Variants in TBC1D5 observed in about 807,000 individuals in gnomAD.
The protein encoded by TBC1D5 is TBC1 domain family, member 5.
Under a neutral mutation model 100.3 loss-of-function variants are expected in TBC1D5, and 75 were observed. The observed-to-expected ratio is 0.75, with a 90% CI of 0.62 to 0.91. TBC1D5 has a LOEUF of 0.91. Ranked by LOEUF, TBC1D5 falls within the 40% of genes least tolerant of loss-of-function variation. The pLI, the probability that TBC1D5 is intolerant of heterozygous loss-of-function variation, is 0.00. For missense variants in TBC1D5, 910 were observed against 942.4 expected (o/e 0.97, Z 0.45); for synonymous variants, 323 against 325.6 (o/e 0.99, Z 0.09).
chr3:17,730,937 T>A (rs1002073611), intron 1 of TBC1D5, among the ~76,000 whole-genome samples: 7 of 152,070 alleles, frequency 4.6e-5, no homozygotes, highest in African/African-American at 1.7e-4. Context: ...AATTCATAAT[T>A]CATAATATTT....
chr3:17,393,544 G>A (rs1426978873), intron 8 of TBC1D5, among the ~76,000 whole-genome samples: 2 of 152,106 alleles, frequency 1.3e-5, no homozygotes, highest in Non-Finnish European at 2.9e-5. Flanking sequence ...GAACAAAGCT[G>A]GAGGCATCAT....
In TBC1D5 at chr3:17,665,290, C is replaced by T. The variant is rs115515520; in HGVS notation, c.-100-41377G>A. ...AAAACCACATGTCCTCTTGGAAGACCAACTCTTTGTAGTAGAACTGAAGTG... is the reference window on the plus strand; with the variant it reads ...AAAACCACATGTCCTCTTGGAAGACTAACTCTTTGTAGTAGAACTGAAGTG... On this transcript the variant is annotated intron_variant, in intron 1 of 21. Coordinates refer to ENST00000253692, the Ensembl canonical transcript of TBC1D5. Among the ~76,000 whole-genome samples the T allele has an allele frequency of 3.6e-3, 547 of 152,248 alleles. 4 individuals are homozygous for T. The highest frequency in any genetic ancestry group is 0.013 in the African/African-American group (530 of 41,546).
upstream of TBC1D5, among the ~76,000 whole-genome samples, chr3:17,741,718 G>A (rs566447289): frequency 2.7e-5 from 4 of 148,546 alleles, no homozygotes; most frequent in African/African-American, 9.9e-5. Context: ...TAGGTCACTT[G>A]TAGAATCGAA....
At position 17,178,217 on chromosome 3, in the gene TBC1D5, C is replaced by T. The variant is rs563830599; in HGVS notation, c.1852+6892G>A. ...AGTAGCTGGGACTACATGCGCCCAC[C>T]ACCACGCCTGGCTAATTTTTTGTAT... On this transcript the variant is annotated intron_variant, in intron 19 of 21. Transcript: ENST00000253692. Among the ~76,000 whole-genome samples, 32 of 152,252 alleles carry T rather than the reference C, an allele frequency of 2.1e-4. No homozygotes were observed. The South Asian group carries it at 6.4e-3, about 31-fold the overall frequency.
At chr3:17,440,887 C>T (rs2094639822) in intron 3 of TBC1D5, among the ~76,000 whole-genome samples, 1 of 151,996 alleles carries the variant, frequency 6.6e-6, no homozygotes, top group Non-Finnish European at 1.5e-5. Flanking sequence ...AGTAATCCAC[C>T]CGCCTTTGCC....
chr3:17,701,173 T>C (rs1399533699), intron 1 of TBC1D5, among the ~76,000 whole-genome samples: 1 of 152,088 alleles, frequency 6.6e-6, no homozygotes, highest in Non-Finnish European at 1.5e-5. Flanking sequence ...GTTCATGTCC[T>C]TTGCAGGGAC....
intron 17 of TBC1D5, among the ~76,000 whole-genome samples, chr3:17,220,839 A>C (rs2074197579): frequency 6.6e-6 from 1 of 152,174 alleles, no homozygotes; most frequent in Non-Finnish European, 1.5e-5. Context: ...ACAAAAGACA[A>C]ATCAAGAAGC....
Position 17,500,641 on chromosome 3 carries a change from C to T in TBC1D5, c.97+7833G>A, listed in dbSNP as rs541988963. Reference sequence around the variant, plus strand: ...TACACAATGCTTGAAAAACTGCTCGCTTTGAACCTTCTGGAAGCTCTCATA... The same window carrying T: ...TACACAATGCTTGAAAAACTGCTCGTTTTGAACCTTCTGGAAGCTCTCATA... On this transcript the variant is annotated intron_variant, in intron 3 of 21. Transcript: ENST00000253692. 2.0e-5 allele frequency among the ~76,000 whole-genome samples: 3 copies of T among 149,646 alleles called. No individual in the cohort carries two copies. The South Asian group carries it at 6.3e-4, about 32-fold the overall frequency.
intron 13 of TBC1D5, among the ~76,000 whole-genome samples, chr3:17,313,031 A>G (rs1473074771): frequency 3.9e-5 from 6 of 152,204 alleles, no homozygotes; most frequent in African/African-American, 1.4e-4. Context: ...TTTAGCATAT[A>G]TAATTTACCA....
chr3:17,649,281 A>C (rs2065307545), intron 1 of TBC1D5, among the ~76,000 whole-genome samples: 1 of 152,116 alleles, frequency 6.6e-6, no homozygotes, highest in South Asian at 2.1e-4. Flanking sequence ...ATAACTTATG[A>C]ACACAAAGAA....
intron 13 of TBC1D5, among the ~76,000 whole-genome samples, chr3:17,364,539 T>A (rs1559726024): frequency 6.6e-6 from 1 of 152,190 alleles, no homozygotes; most frequent in South Asian, 2.1e-4. Context: ...AAGTATATTA[T>A]CTTGATATTA....
rs531284984 is a variant in TBC1D5 at position 17,579,916 on chromosome 3, A to G, written c.-36+43933T>C. Among the ~76,000 whole-genome samples, 3 of 152,222 alleles carry G rather than the reference A, an allele frequency of 2.0e-5. No individual in the cohort carries two copies. In the East Asian group the frequency reaches 5.8e-4, roughly 29 times the overall value. On this transcript the variant is annotated intron_variant, in intron 2 of 21. Transcript: ENST00000253692. ...CATTATACCAATAGGAAAATGTGAGAATTCTTCTAATGCCATTATTGTATC... is the reference window on the plus strand; with the variant it reads ...CATTATACCAATAGGAAAATGTGAGGATTCTTCTAATGCCATTATTGTATC...
At chr3:17,645,873 A>G (rs1317396818) in intron 1 of TBC1D5, among the ~76,000 whole-genome samples, 4 of 152,040 alleles carry the variant, frequency 2.6e-5, no homozygotes, top group Non-Finnish European at 5.9e-5. Context: ...TCAGGAAAAC[A>G]TGACAACTCA....
chr3:17,602,922 A>G (rs1436464658), intron 2 of TBC1D5, among the ~76,000 whole-genome samples: 7 of 152,190 alleles, frequency 4.6e-5, no homozygotes, highest in Admixed American at 1.3e-4. Flanking sequence ...CCTTAAAGCC[A>G]GTGTGCAGGT....
chr3:17,650,923 T>C (rs1259497032), intron 1 of TBC1D5, among the ~76,000 whole-genome samples: 1 of 152,208 alleles, frequency 6.6e-6, no homozygotes, highest in South Asian at 2.1e-4. Flanking sequence ...TTATACTGCA[T>C]TGACATGTAA....
intron 13 of TBC1D5, among the ~76,000 whole-genome samples, chr3:17,319,674 T>A (rs1212650054): frequency 6.6e-6 from 1 of 151,836 alleles, no homozygotes; most frequent in African/African-American, 2.4e-5. Context: ...ATCAAGACCA[T>A]CCTGGCTAAC....
chr3:17,506,575 A>G (rs1380316069), intron 3 of TBC1D5, among the ~76,000 whole-genome samples: 3 of 152,160 alleles, frequency 2.0e-5, no homozygotes, highest in Admixed American at 2.0e-4. Context: ...ATCAGCATAC[A>G]TTTACATTGT....
chr3:17,397,760 T>C (rs1228765018), intron 8 of TBC1D5, among the ~76,000 whole-genome samples: 1 of 152,118 alleles, frequency 6.6e-6, no homozygotes, highest in South Asian at 2.1e-4. Context: ...CTACCTAAAA[T>C]GTTAACTACA....
chr3:17,274,555 T>C (rs1452450945), intron 15 of TBC1D5, among the ~76,000 whole-genome samples: 1 of 152,196 alleles, frequency 6.6e-6, no homozygotes, highest in Non-Finnish European at 1.5e-5. Context: ...CTCCAGATAA[T>C]GGCTGGAAAG....
Sources: allele counts gnomAD v4.1 joint callset (sites outside exome capture counted in the v4.1 genomes callset), GRCh38; gene constraint gnomAD v4.1.1; transcripts MANE v1.5; gene names NCBI Gene and HGNC (gene_info 2026-07-23, HGNC 2026-07-21).